The following DNAH6 variants were observed in gnomAD, a reference collection of about 807,000 sequenced individuals.
DNAH6 encodes the protein dynein axonemal heavy chain 6, also known as axonemal beta dynein heavy chain 6.
Under a neutral mutation model 491.4 loss-of-function variants are expected in DNAH6, and 340 were observed. The ratio of observed to expected loss-of-function variants is 0.69; its 90% confidence interval spans 0.63 to 0.76. The LOEUF (loss-of-function observed/expected upper bound fraction) is 0.76. Among genes scored for constraint, DNAH6 ranks in the 30% least tolerant of loss-of-function variants. DNAH6 has a pLI of 0.00. For missense variants in DNAH6, 4,443 were observed against 4,972.2 expected (o/e 0.89, Z 3.20); for synonymous variants, 1,603 against 1,686.1 (o/e 0.95, Z 1.21).
the DNAH6 span, among the ~76,000 whole-genome samples, chr2:84,499,385 A>C: frequency 6.6e-6 from 1 of 152,166 alleles, no homozygotes; most frequent in African/African-American, 2.4e-5. Context: ...CATTCTTTTT[A>C]TGGCTAAATA....
chr2:84,668,125 G>A (rs1294865835), intron 37 of DNAH6, among the ~76,000 whole-genome samples: 1 of 152,180 alleles, frequency 6.6e-6, no homozygotes, highest in African/African-American at 2.4e-5. Flanking sequence ...AGCATTAGGA[G>A]AAATACCTAA....
chr2:84,791,876 A>G (rs1414956726), intron 68 of DNAH6, among the ~76,000 whole-genome samples: 2 of 151,978 alleles, frequency 1.3e-5, no homozygotes, highest in Non-Finnish European at 2.9e-5. Context: ...GATTAGTACT[A>G]TTATGATAAA....
At chr2:84,557,680 AAAAATTT>A (rs1680195123) in intron 10 of DNAH6, 48 bp from the exon 11 acceptor site, 1 of 519,864 alleles carries the variant, frequency 1.9e-6, no homozygotes, top group African/African-American at 2.0e-5. Flanking sequence ...AAAAAAAAAA[AAAAATTT>A]ATAAATATAT....
At chr2:84,564,569 C>G (rs1680986767) in intron 11 of DNAH6, among the ~76,000 whole-genome samples, 1 of 152,116 alleles carries the variant, frequency 6.6e-6, no homozygotes, top group Non-Finnish European at 1.5e-5. Flanking sequence ...AGTCATTTAT[C>G]AGTTCTAGGG....
At chr2:84,607,509 G>C (rs892024442) in intron 21 of DNAH6, among the ~76,000 whole-genome samples, 1 of 151,934 alleles carries the variant, frequency 6.6e-6, no homozygotes, top group Non-Finnish European at 1.5e-5. Context: ...AGGGTGCAAG[G>C]GTGGAAAAAC....
chr2:84,636,821 G>A (rs572958430), intron 30 of DNAH6, among the ~76,000 whole-genome samples: 3 of 152,110 alleles, frequency 2.0e-5, no homozygotes, highest in East Asian at 3.9e-4. Flanking sequence ...TTGAGCCTGA[G>A]ATGTCAAGGC....
chr2:84,607,870 T>A (rs574893160), intron 21 of DNAH6, among the ~76,000 whole-genome samples: 1 of 152,296 alleles, frequency 6.6e-6, no homozygotes, highest in Non-Finnish European at 1.5e-5. Context: ...TCATCGACTC[T>A]TCCTTTTATT....
chr2:84,615,695 G>A (rs1686788285), intron 22 of DNAH6, among the ~76,000 whole-genome samples: 1 of 151,888 alleles, frequency 6.6e-6, no homozygotes, highest in African/African-American at 2.4e-5. Flanking sequence ...ATTTGTTTGT[G>A]TTGTATGATT....
chr2:84,551,990 G>T (rs1488505410), intron 9 of DNAH6, among the ~76,000 whole-genome samples: 2 of 149,632 alleles, frequency 1.3e-5, no homozygotes, highest in Admixed American at 6.7e-5. Flanking sequence ...GGAGGTTGCA[G>T]TGAGCTGAGA....
intron 59 of DNAH6, among the ~76,000 whole-genome samples, chr2:84,720,187 G>A (rs1697961224): frequency 6.6e-6 from 1 of 151,384 alleles, no homozygotes; most frequent in Admixed American, 6.6e-5. Context: ...CCCTGGCCAT[G>A]GGTGGTGTGG....
intron 64 of DNAH6, among the ~76,000 whole-genome samples, chr2:84,781,190 C>T (rs1411550084): frequency 6.6e-6 from 1 of 152,056 alleles, no homozygotes; most frequent in Admixed American, 6.5e-5. Context: ...GAAATCATTG[C>T]GGTGGAGAGA....
At chr2:84,557,460 C>A (rs1212890510) in intron 10 of DNAH6, among the ~76,000 whole-genome samples, 1 of 150,528 alleles carries the variant, frequency 6.6e-6, no homozygotes, top group African/African-American at 2.4e-5. Flanking sequence ...TCCTGGCTAA[C>A]AAGGTGAAAC....
At chr2:84,591,897 A>G (rs193272027) in intron 16 of DNAH6, among the ~76,000 whole-genome samples, 3 of 152,342 alleles carry the variant, frequency 2.0e-5, no homozygotes, top group East Asian at 3.9e-4. Context: ...CTGGATATTC[A>G]TATGCAAAAG....
intron 63 of DNAH6, 47 bp from the exon 64 acceptor site, chr2:84,762,708 T>C: frequency 7.3e-7 from 1 of 1,373,020 alleles, no homozygotes; most frequent in Non-Finnish European, 1.0e-6. Context: ...GATAAAATTA[T>C]GAAGGATCCT....
intron 61 of DNAH6, among the ~76,000 whole-genome samples, chr2:84,728,866 A>G (rs1366849398): frequency 1.3e-5 from 2 of 152,048 alleles, no homozygotes; most frequent in Non-Finnish European, 2.9e-5. Context: ...AACCTTGCCT[A>G]CAATTTGATC....
the DNAH6 span, among the ~76,000 whole-genome samples, chr2:84,476,565 A>G: frequency 6.6e-6 from 1 of 152,214 alleles, no homozygotes; most frequent in East Asian, 1.9e-4. Context: ...TTAGATTTTT[A>G]CACTCATCCT....
intron 4 of DNAH6, among the ~76,000 whole-genome samples, chr2:84,538,194 A>G (rs1450244390): frequency 6.6e-6 from 1 of 152,058 alleles, no homozygotes; most frequent in Non-Finnish European, 1.5e-5. Context: ...CTACTCCTGC[A>G]TTTGTGTCAC....
chr2:84,764,387 G>T (rs1291355559), intron 64 of DNAH6, among the ~76,000 whole-genome samples: 1 of 152,106 alleles, frequency 6.6e-6, no homozygotes, highest in East Asian at 1.9e-4. Context: ...AAGATGTCCA[G>T]CCTTACTAGT....
At chr2:84,708,743 ATTT>A (rs1023350914) in intron 54 of DNAH6, among the ~76,000 whole-genome samples, 1 of 152,186 alleles carries the variant, frequency 6.6e-6, no homozygotes, top group Non-Finnish European at 1.5e-5. Flanking sequence ...AATTTTAGTC[ATTT>A]TTTTGAAATG....
Sources: allele counts gnomAD v4.1 joint callset (sites outside exome capture counted in the v4.1 genomes callset), GRCh38; gene constraint gnomAD v4.1.1; transcripts MANE v1.5; gene names NCBI Gene and HGNC (gene_info 2026-07-23, HGNC 2026-07-21).